The following NCBP1 variants were observed in gnomAD, a reference collection of about 807,000 sequenced individuals.
NCBP1 encodes nuclear cap-binding protein subunit 1.
NCBP1 carries 16 observed loss-of-function variants against 111.7 expected under a neutral mutation model. The observed-to-expected ratio is 0.14, with a 90% CI of 0.10 to 0.22. NCBP1 has a LOEUF of 0.22. Ranked by LOEUF, NCBP1 falls within the 10% of genes least tolerant of loss-of-function variation. The pLI is 1.00. For missense variants in NCBP1, 607 were observed against 957.5 expected (o/e 0.63, Z 4.83); for synonymous variants, 304 against 314.3 (o/e 0.97, Z 0.35).
chr9:97,664,101 C>T (rs901605241), intron 18 of NCBP1, among the ~76,000 whole-genome samples: 15 of 151,922 alleles, frequency 9.9e-5, no homozygotes, highest in Admixed American at 5.9e-4. Flanking sequence ...ATTGCTTGAA[C>T]CTAGGAGGTG....
rs543815167 is a variant in NCBP1, at chr9:97,658,710, A to G, written c.1444A>G (p.Thr482Ala). The change falls in exon 15 of 23, where the codon ACC becomes GCC. Residue 482 changes from threonine (T) to alanine (A), a missense_variant. Thr to Ala is a moderately conservative substitution (Grantham distance 58, BLOSUM62 0). This residue lies in a region of NCBP1 where 282 missense variants were observed against 376.5 expected (regional missense o/e 0.75). Coordinates refer to ENST00000375147, the MANE Select transcript of NCBP1 (RefSeq NM_002486.5). ...TFSALCPANPTCIYKYGDESS... is the reference protein window; with the variant it reads ...TFSALCPANPACIYKYGDESS... ...CTCAGCTCTGTGTCCTGCAAACCCA[A>G]CCTGCATTTACAAGTATGGAGATGA... The G allele has an allele frequency of 2.5e-6, 4 of 1,611,984 alleles. No individual in the cohort carries two copies. The highest frequency in any genetic ancestry group is 1.3e-5 in the African/African-American group (1 of 74,890).
intron 12 of NCBP1, 74 bp from the exon 13 acceptor site, chr9:97,655,628 G>T: frequency 8.1e-7 from 1 of 1,234,910 alleles, no homozygotes; most frequent in Non-Finnish European, 1.2e-6. Flanking sequence ...CTGTTTGAAG[G>T]CTTATATAAG....
At position 97,661,955 on chromosome 9, in the gene NCBP1, G is replaced by T. The variant is rs1184993359; in HGVS notation, c.1601-87G>T. 5 of 864,192 alleles carry T rather than the reference G, an allele frequency of 5.8e-6. No individual in the cohort carries two copies. In the Admixed American group the frequency reaches 6.2e-5, roughly 11 times the overall value. The allele number at this position is 864,192 out of a possible 1,614,324, so 53.5% of individuals were successfully genotyped here. ...TACACAAATATCTGTGTATAGATGT[G>T]AGCAACCATCTATTTAGCATTTGAG... On this transcript the variant is annotated intron_variant, in intron 16 of 22. Coordinates refer to ENST00000375147, the MANE Select transcript of NCBP1 (RefSeq NM_002486.5).
At chr9:97,669,807 C>A in intron 22 of NCBP1, 101 bp downstream of exon 22, 2 of 781,928 alleles carry the variant, frequency 2.6e-6, no homozygotes, top group Non-Finnish European at 4.5e-6. Flanking sequence ...TTATATAGTA[C>A]CTGTTAGACC....
intron 9 of NCBP1, 32 bp downstream of exon 9, chr9:97,650,632 G>A: frequency 6.4e-7 from 1 of 1,571,374 alleles, no homozygotes; most frequent in Non-Finnish European, 8.7e-7. Flanking sequence ...TTTTAGAAGG[G>A]AGAGAAGCAG....
At chr9:97,664,823 A>G (rs1197997050) in intron 19 of NCBP1, among the ~76,000 whole-genome samples, 1 of 152,196 alleles carries the variant, frequency 6.6e-6, no homozygotes, top group Non-Finnish European at 1.5e-5. Context: ...CACACCAGGA[A>G]GTAGGAGAAA....
At chr9:97,634,484 C>T (rs1017006492) in intron 1 of NCBP1, 3 of 152,400 alleles carry the variant, frequency 2.0e-5, no homozygotes, top group African/African-American at 7.2e-5. Flanking sequence ...AGATTTTGAA[C>T]TGGCCGTAAG....
At chr9:97,668,400 C>G (rs1828073705) in intron 20 of NCBP1, among the ~76,000 whole-genome samples, 1 of 152,126 alleles carries the variant, frequency 6.6e-6, no homozygotes, top group Non-Finnish European at 1.5e-5. Context: ...CTTAAACAGC[C>G]CACTTTGAAT....
chr9:97,660,612 G>C (rs1454755406), intron 15 of NCBP1, among the ~76,000 whole-genome samples: 1 of 152,136 alleles, frequency 6.6e-6, no homozygotes, highest in Admixed American at 6.5e-5. Context: ...GGAGAGTTGA[G>C]GGCATTAAAA....
chr9:97,671,600 G>A lies in NCBP1; in HGVS notation c.*401G>A, dbSNP rs930009906. On this transcript the variant is annotated 3_prime_UTR_variant, in exon 23 of 23. Transcript: ENST00000375147. The stretch of plus-strand genomic sequence containing the variant: ...TCACAGCTCGGGGATGAATTAACAT[G>A]GCTGAAATAAAACTAAAAGTATGGT... The A allele has an allele frequency of 1.3e-5, 2 of 155,042 alleles. No individual in the cohort carries two copies. The highest frequency in any genetic ancestry group is 1.9e-4 in the East Asian group (1 of 5,328). 9.6% of individuals were successfully genotyped at this position (155,042 alleles called of 1,614,324 possible). A position where few individuals can be genotyped will look rare whatever the true frequency, so the allele number is the denominator to read the frequency against.
Position 97,651,320 on chromosome 9 carries a change from T to C in NCBP1, c.1006T>C (p.Leu336=). The part of the protein sequence containing the change: ...WKERKTCAAQ[L]VSYPGKNKIP... ...TTACACTTTTTATAGTGCTGCACAGTTAGTGAGCTATCCAGGGAAGAACAA... is the reference window on the plus strand; with the variant it reads ...TTACACTTTTTATAGTGCTGCACAGCTAGTGAGCTATCCAGGGAAGAACAA... Residue 336 remains leucine, a synonymous_variant, in exon 10 of 23, where the codon TTA becomes CTA. Coordinates refer to ENST00000375147, the MANE Select transcript of NCBP1 (RefSeq NM_002486.5). 1 of 1,613,006 alleles carries C rather than the reference T, an allele frequency of 6.2e-7. No individual in the cohort carries two copies. Among genetic ancestry groups the C allele is most frequent in the Non-Finnish European group, 8.5e-7 (1 of 1,179,466 alleles).
At position 97,662,061 on chromosome 9, in the gene NCBP1, C is replaced by T; in HGVS notation, c.1620C>T (p.Asn540=). ...DDDDDEGFSF[N]PLKIEVFVQT... ...TTTCAGATGAAGGATTCAGTTTTAA[C>T]CCATTGAAAATAGAAGTCTTTGTAC... Residue 540 remains asparagine, a synonymous_variant, in exon 17 of 23, where the codon AAC becomes AAT. Transcript: ENST00000375147. The T allele has an allele frequency of 6.2e-7, 1 of 1,613,210 alleles. No homozygotes were observed. Among genetic ancestry groups the T allele is most frequent in the Non-Finnish European group, 8.5e-7 (1 of 1,179,252 alleles).
intron 8 of NCBP1, among the ~76,000 whole-genome samples, chr9:97,650,177 TTCAC>T (rs1181774350): frequency 2.6e-5 from 4 of 152,170 alleles, no homozygotes; most frequent in Non-Finnish European, 5.9e-5. Context: ...ATGGAAATAA[TTCAC>T]TCTCGGTTTA....
intron 14 of NCBP1, 22 bp from the exon 15 acceptor site, chr9:97,658,618 G>C: frequency 6.5e-7 from 1 of 1,541,564 alleles, no homozygotes; most frequent in Non-Finnish European, 9.0e-7. Flanking sequence ...GATATTTTCT[G>C]AGGCTGTTAT....
chr9:97,651,436 G>T, intron 10 of NCBP1, 63 bp downstream of exon 10: 1 of 1,398,958 alleles, frequency 7.1e-7, no homozygotes, highest in South Asian at 1.2e-5. Context: ...TTTAAAGTAT[G>T]ATCTACTCTT....
chr9:97,633,991 AAG>A (rs1166344415), intron 1 of NCBP1, 76 bp downstream of exon 1: 1 of 1,435,304 alleles, frequency 7.0e-7, no homozygotes, highest in Admixed American at 2.4e-5. Flanking sequence ...GTGTCCACGG[AAG>A]AGACTGGAAG....
rs1157627485 is a variant in NCBP1 at position 97,645,197 on chromosome 9, C to T, written c.462C>T (p.Ser154=). The change falls in exon 5 of 23, where the codon AGC becomes AGT. Residue 154 remains serine, a synonymous_variant. Transcript: ENST00000375147. ...SMVAMFENFV[S]VTQEEDVPQV... The stretch of plus-strand genomic sequence containing the variant: ...TTGCTATGTTTGAAAATTTTGTAAG[C>T]GTAACTCAGGAAGAAGATGTACCTC... The T allele has an allele frequency of 4.3e-6, 7 of 1,612,796 alleles. No individual in the cohort carries two copies. The highest frequency in any genetic ancestry group is 5.9e-6 in the Non-Finnish European group (7 of 1,179,208).
In NCBP1 at chr9:97,637,371, T is replaced by C. The variant is rs368423196; in HGVS notation, c.35-3423T>C. On this transcript the variant is annotated intron_variant, in intron 1 of 22. Transcript: ENST00000375147. ...GAAGCTTTTTAGTTACTATGGGATA[T>C]GCAGTCCATTGTTTGTTCTTTTAAG... Among the ~76,000 whole-genome samples, 30 of 152,358 alleles carry C rather than the reference T, an allele frequency of 2.0e-4. No homozygotes were observed. The East Asian group carries it at 5.8e-3, about 29-fold the overall frequency.
At chr9:97,671,051 TCCTGACCTAAC>T in intron 22 of NCBP1, 24 bp from the exon 23 acceptor site, 1 of 1,415,608 alleles carries the variant, frequency 7.1e-7, no homozygotes, top group South Asian at 1.2e-5. Flanking sequence ...ATATGCTTTT[TCCTGACCTAAC>T]TACCCCCTTT....
Sources: gnomAD v4.1 joint callset for allele counts (sites outside exome capture counted in the v4.1 genomes callset) on GRCh38, gnomAD v4.1.1 for gene constraint, gnomAD v4.1.1 regional missense constraint, MANE v1.5 for transcripts, NCBI Gene and HGNC (gene_info 2026-07-23, HGNC 2026-07-21) for gene names.